Variants in GALNT17 observed in about 807,000 individuals in gnomAD.
GALNT17 encodes UDP-GalNAc:polypeptide N-acetylgalactosaminyltransferase-like 3.
In GALNT17, 29 loss-of-function variants were observed where a neutral mutation model predicts 63.7. That is an observed-to-expected ratio of 0.46 (90% CI 0.34 to 0.62). The LOEUF (loss-of-function observed/expected upper bound fraction) is 0.62. Ranked by LOEUF, GALNT17 falls within the 20% of genes least tolerant of loss-of-function variation. The probability of loss-of-function intolerance (pLI) is 0.01; values close to 1 mark genes in which losing one functional copy is unlikely to be tolerated. For missense variants in GALNT17, 603 were observed against 799.6 expected, an observed-to-expected ratio of 0.75 and a Z score of 2.97; for synonymous variants, 305 against 318.3, an observed-to-expected ratio of 0.96 and a Z score of 0.45.
At chr7:71,489,628 A>G (rs1021357916) in intron 5 of GALNT17, among the ~76,000 whole-genome samples, 1 of 152,262 alleles carries the variant, frequency 6.6e-6, no homozygotes, top group Non-Finnish European at 1.5e-5. Flanking sequence ...AGCCTGAAGG[A>G]GAGACCCAGC....
intron 1 of GALNT17, among the ~76,000 whole-genome samples, chr7:71,329,987 ATATATATACATATATGTGTG>A (rs1791779289): frequency 4.7e-5 from 1 of 21,472 alleles, no homozygotes; most frequent in South Asian, 1.4e-3. Flanking sequence ...GTGTGTGTGT[ATATATATACATATATGTGTG>A]TATATATACA....
intron 5 of GALNT17, among the ~76,000 whole-genome samples, chr7:71,541,792 G>A (rs1443505595): frequency 1.3e-5 from 2 of 152,216 alleles, no homozygotes; most frequent in South Asian, 2.1e-4. Flanking sequence ...CAAGTTGCAC[G>A]TCTAAAATGA....
chr7:71,339,317 C>G (rs1583873372), intron 2 of GALNT17, among the ~76,000 whole-genome samples: 4 of 152,316 alleles, frequency 2.6e-5, no homozygotes, highest in Admixed American at 2.6e-4. Flanking sequence ...TAGAGATTCA[C>G]ACAGCATGTG....
chr7:71,510,556 G>A (rs543276014), intron 5 of GALNT17, among the ~76,000 whole-genome samples: 18 of 152,244 alleles, frequency 1.2e-4, no homozygotes, highest in African/African-American at 4.3e-4. Context: ...ATCGCTGGGA[G>A]AACACGGAAT....
intron 1 of GALNT17, among the ~76,000 whole-genome samples, chr7:71,170,028 C>T (rs1788516701): frequency 6.6e-6 from 1 of 151,600 alleles, no homozygotes; most frequent in South Asian, 2.1e-4. Flanking sequence ...TCTCAAACTC[C>T]TGGGATCAAG....
At chr7:71,639,993 A>G (rs1275347903) in intron 6 of GALNT17, among the ~76,000 whole-genome samples, 3 of 152,212 alleles carry the variant, frequency 2.0e-5, no homozygotes, top group Admixed American at 2.0e-4. Context: ...AAATTAGGGT[A>G]AGTGCAAAAC....
At chr7:71,685,217 G>A (rs1791333907) in intron 9 of GALNT17, among the ~76,000 whole-genome samples, 1 of 152,120 alleles carries the variant, frequency 6.6e-6, no homozygotes, top group Non-Finnish European at 1.5e-5. Flanking sequence ...CTGGAATCAC[G>A]AGGCACATTT....
At chr7:71,483,563 C>T (rs1251252702) in intron 5 of GALNT17, among the ~76,000 whole-genome samples, 3 of 151,596 alleles carry the variant, frequency 2.0e-5, no homozygotes, top group Admixed American at 6.6e-5. Flanking sequence ...GGTTAGGCTA[C>T]GCTATTTTTT....
intron 5 of GALNT17, among the ~76,000 whole-genome samples, chr7:71,449,159 C>CT (rs1248877040): frequency 8.2e-6 from 1 of 121,590 alleles, no homozygotes; most frequent in Middle Eastern, 6.3e-3. Context: ...GTCTCCCAGG[C>CT]TGGAGTGCAG....
intron 2 of GALNT17, among the ~76,000 whole-genome samples, chr7:71,339,890 T>C (rs888390341): frequency 3.3e-5 from 5 of 151,942 alleles, no homozygotes; most frequent in African/African-American, 1.2e-4. Flanking sequence ...ATTAAAATGA[T>C]AGCAAAGGAA....
intron 5 of GALNT17, among the ~76,000 whole-genome samples, chr7:71,508,929 T>A (rs1273872801): frequency 6.6e-6 from 1 of 152,160 alleles, no homozygotes; most frequent in Non-Finnish European, 1.5e-5. Flanking sequence ...TGCATGTGTC[T>A]GTGTGTGTAT....
intron 5 of GALNT17, among the ~76,000 whole-genome samples, chr7:71,431,766 G>A (rs368365680): frequency 6.6e-6 from 1 of 152,148 alleles, no homozygotes; most frequent in Non-Finnish European, 1.5e-5. Flanking sequence ...GCAAATGAGT[G>A]TGTTTGGGGT....
At chr7:71,162,436 T>TC (rs1562876104) in intron 1 of GALNT17, among the ~76,000 whole-genome samples, 63 of 120,776 alleles carry the variant, frequency 5.2e-4, no homozygotes, top group African/African-American at 1.9e-3. Context: ...ATCCATCCAT[T>TC]CATCCATCCA....
chr7:71,286,210 AC>A (rs1790869891), intron 1 of GALNT17, among the ~76,000 whole-genome samples: 1 of 152,102 alleles, frequency 6.6e-6, no homozygotes. Context: ...TAATTGAAAG[AC>A]CCTGAACTTA....
intron 6 of GALNT17, among the ~76,000 whole-genome samples, chr7:71,601,538 T>C (rs1330576193): frequency 6.6e-6 from 1 of 151,988 alleles, no homozygotes; most frequent in African/African-American, 2.4e-5. Context: ...ATCCAAGCAC[T>C]TGGGAAGCTG....
chr7:71,662,569 A>G (rs577448676), intron 6 of GALNT17, among the ~76,000 whole-genome samples: 1 of 151,856 alleles, frequency 6.6e-6, no homozygotes, highest in South Asian at 2.1e-4. Context: ...CCTGCCCACC[A>G]CCTCCCAAGC....
intron 5 of GALNT17, among the ~76,000 whole-genome samples, chr7:71,468,775 AT>A (rs1787579988): frequency 6.6e-6 from 1 of 152,096 alleles, no homozygotes; most frequent in African/African-American, 2.4e-5. Flanking sequence ...TACACGGTGC[AT>A]TTTAGGTTCT....
intron 1 of GALNT17, among the ~76,000 whole-genome samples, chr7:71,287,816 C>G (rs1790901707): frequency 6.6e-6 from 1 of 152,142 alleles, no homozygotes; most frequent in East Asian, 1.9e-4. Flanking sequence ...CTTTGGGAGG[C>G]TGAGGCAGGC....
chr7:71,562,174 G>A (rs980332343), intron 5 of GALNT17, among the ~76,000 whole-genome samples: 1 of 151,810 alleles, frequency 6.6e-6, no homozygotes, highest in African/African-American at 2.4e-5. Flanking sequence ...TATGCTGCCC[G>A]GTCTGTTCTC....
Sources: allele counts gnomAD v4.1 joint callset (sites outside exome capture counted in the v4.1 genomes callset), GRCh38; gene constraint gnomAD v4.1.1; transcripts MANE v1.5; gene names NCBI Gene and HGNC (gene_info 2026-07-23, HGNC 2026-07-21).